Variants in TG observed in about 807,000 individuals in gnomAD.
TG encodes the protein thyroglobulin, also known as thyroid hormones.
A neutral mutation model predicts 324.7 loss-of-function variants in TG; 270 were observed. The observed-to-expected ratio is 0.83, with a 90% confidence interval of 0.75 to 0.92. The LOEUF (loss-of-function observed/expected upper bound fraction) is 0.92, where lower values mean the gene tolerates loss of function less well. Ranked by LOEUF, TG falls within the 40% of genes least tolerant of loss-of-function variation. The pLI, the probability that TG is intolerant of heterozygous loss-of-function variation, is 0.00. For synonymous variants in TG, 1,401 were observed against 1,327.0 expected, an observed-to-expected ratio of 1.06 and a Z score of -1.21; for missense variants, 3,591 against 3,456.4, an observed-to-expected ratio of 1.04 and a Z score of -0.98.
At chr8:132,992,817 G>T (rs1832504624) in intron 35 of TG, among the ~76,000 whole-genome samples, 1 of 152,178 alleles carries the variant, frequency 6.6e-6, no homozygotes. Flanking sequence ...GCTCCCTTCT[G>T]CACTCTCCAT....
intron 5 of TG, 62 bp downstream of exon 5, chr8:132,873,283 T>C (rs1839668036): frequency 6.3e-7 from 1 of 1,591,436 alleles, no homozygotes; most frequent in Non-Finnish European, 8.6e-7. Context: ...ACACTCACCT[T>C]GAGCTGGGGG....
intron 26 of TG, among the ~76,000 whole-genome samples, chr8:132,946,037 TAC>T (rs5895165): frequency 0.2 from 23,571 of 116,788 alleles, 1,908 homozygotes; most frequent in Non-Finnish European, 0.26. Context: ...AAAAATATGT[TAC>T]ACACACACAC....
At chr8:133,097,381 A>G (rs965088941) in intron 43 of TG, among the ~76,000 whole-genome samples, 2 of 152,226 alleles carry the variant, frequency 1.3e-5, no homozygotes, top group African/African-American at 2.4e-5. Context: ...TGATTGTGGC[A>G]TTGATTATTG....
chr8:133,031,689 T>TTGTCAATGCGC (rs1436837626), intron 41 of TG, among the ~76,000 whole-genome samples: 12 of 152,190 alleles, frequency 7.9e-5, no homozygotes, highest in Admixed American at 1.3e-4. Flanking sequence ...CAACTGATGC[T>TTGTCAATGCGC]AGGTCAGCAT....
chr8:133,021,999 C>T lies in TG; in HGVS notation c.6885C>T (p.Asn2295=), dbSNP rs149348416. 2.9e-4 allele frequency: 466 copies of T among 1,614,036 alleles called. 3 individuals carry two copies. The Middle Eastern group carries it at 3.8e-3, about 13-fold the overall frequency. The change falls in exon 40 of 48, where the codon AAC becomes AAT. Residue 2295 remains asparagine, a synonymous_variant. Transcript: ENST00000220616. ...TTCTCCAATACCCACAGGCCCCTAACGCGTCTGTGCTGGTGTTCTTCCACA... is the reference window on the plus strand; with the variant it reads ...TTCTCCAATACCCACAGGCCCCTAATGCGTCTGTGCTGGTGTTCTTCCACA... ...NVFIPQNVAP[N]ASVLVFFHNT...
At position 133,096,347 on chromosome 8, in the gene TG, CTCA is replaced by C; in HGVS notation, c.7550_7552del (p.Ile2517del). On this transcript the variant is annotated inframe_deletion, in exon 43 of 48. Transcript: ENST00000220616. ...CATTGGGAGTTCTCAGGACGACGGG[CTCA>C]TCAACAGAGCAAAGGCTGTGAAGGT... 6.2e-7 allele frequency: 1 copy of C among 1,614,186 alleles called. No homozygotes were observed. The highest frequency in any genetic ancestry group is 2.2e-5 in the East Asian group (1 of 44,880).
At chr8:132,963,213 C>T (rs1828022146) in intron 29 of TG, 139 bp downstream of exon 29, 10 of 869,640 alleles carry the variant, frequency 1.1e-5, no homozygotes. Flanking sequence ...AATCTTTTAA[C>T]CCAATTATCC....
chr8:133,021,598 T>C (rs969906577), intron 39 of TG, among the ~76,000 whole-genome samples: 5 of 152,224 alleles, frequency 3.3e-5, no homozygotes, highest in African/African-American at 1.2e-4. Context: ...GAGACAGAAG[T>C]CCAAGATCAA....
chr8:132,948,568 C>T (rs968773709), intron 26 of TG, among the ~76,000 whole-genome samples: 2 of 152,136 alleles, frequency 1.3e-5, no homozygotes, highest in African/African-American at 4.8e-5. Flanking sequence ...AGGTGGCCCT[C>T]CCCTTGGAAA....
intron 35 of TG, among the ~76,000 whole-genome samples, chr8:132,996,197 T>C (rs1030819148): frequency 6.6e-6 from 1 of 152,234 alleles, no homozygotes; most frequent in African/African-American, 2.4e-5. Context: ...GATGTAGTTA[T>C]TCTTGCAGTG....
chr8:132,991,533 A>G (rs957306783), intron 35 of TG, among the ~76,000 whole-genome samples: 8 of 152,248 alleles, frequency 5.3e-5, no homozygotes, highest in African/African-American at 1.7e-4. Context: ...ATGCATGTGC[A>G]CACGCACACA....
chr8:132,924,210 C>T (rs1171623949), intron 22 of TG, among the ~76,000 whole-genome samples: 1 of 152,024 alleles, frequency 6.6e-6, no homozygotes, highest in Non-Finnish European at 1.5e-5. Context: ...CTCACATGCA[C>T]AGTTCACTAT....
In TG at chr8:133,035,770, A is replaced by T. The variant is rs1365201727; in HGVS notation, c.7239+5747A>T. Among the ~76,000 whole-genome samples, 4 of 152,294 alleles carry T rather than the reference A, an allele frequency of 2.6e-5. No homozygotes were observed. The East Asian group carries it at 7.7e-4, about 29-fold the overall frequency. The stretch of plus-strand genomic sequence containing the variant: ...TCCTTTTGTTCATTTTTGCATTAAA[A>T]TTTTTTGCCCCTTTATTTTCAAACT... On this transcript the variant is annotated intron_variant, in intron 41 of 47. Coordinates refer to ENST00000220616, the MANE Select transcript of TG (RefSeq NM_003235.5).
chr8:132,915,259 G>A (rs1820127519), intron 20 of TG, among the ~76,000 whole-genome samples: 1 of 152,152 alleles, frequency 6.6e-6, no homozygotes, highest in African/African-American at 2.4e-5. Flanking sequence ...GTAAAGGGAA[G>A]GCAGAGAACC....
At chr8:133,055,361 GCGCGCACACACACACACACACACACACA>G (rs1195796776) in intron 41 of TG, among the ~76,000 whole-genome samples, 2 of 131,656 alleles carry the variant, frequency 1.5e-5, no homozygotes, top group Non-Finnish European at 3.5e-5. Flanking sequence ...ACACACGCAC[GCGCGCACACACACACACACACACACACA>G]CACACACACA....
At chr8:132,972,511 C>T in intron 33 of TG, 87 bp from the exon 34 acceptor site, 1 of 1,476,072 alleles carries the variant, frequency 6.8e-7, no homozygotes, top group Non-Finnish European at 9.3e-7. Flanking sequence ...GAACAATGTA[C>T]TTGCAGAATT....
At chr8:133,057,792 A>T (rs2131303173) in intron 41 of TG, among the ~76,000 whole-genome samples, 1 of 152,256 alleles carries the variant, frequency 6.6e-6, no homozygotes, top group Non-Finnish European at 1.5e-5. Context: ...AAAAAACAAA[A>T]AAACAGATGG....
In TG at chr8:132,945,742, G is replaced by C. The variant is rs571493166; in HGVS notation, c.5234-3034G>C. ...AGAGATAGAGAAGGAGCAGCCAGAG[G>C]GGGAGAAGGAGATGGGGATAGTGGA... On this transcript the variant is annotated intron_variant, in intron 26 of 47. Transcript: ENST00000220616. Among the ~76,000 whole-genome samples the C allele has an allele frequency of 3.3e-5, 5 of 152,234 alleles. No individual in the cohort carries two copies. In the East Asian group the frequency reaches 5.8e-4, roughly 18 times the overall value.
chr8:132,890,525 A>AT (rs1816083551), intron 10 of TG, among the ~76,000 whole-genome samples: 1 of 152,168 alleles, frequency 6.6e-6, no homozygotes, highest in African/African-American at 2.4e-5. Context: ...TTCCCAGGGG[A>AT]ATTCAATGCA....
Sources: gnomAD v4.1 joint callset for allele counts (sites outside exome capture counted in the v4.1 genomes callset) on GRCh38, gnomAD v4.1.1 for gene constraint, MANE v1.5 for transcripts, NCBI Gene and HGNC (gene_info 2026-07-23, HGNC 2026-07-21) for gene names.